OPCML: variants seen among roughly 807,000 people sequenced by gnomAD.
The protein encoded by OPCML is opioid-binding protein/cell adhesion molecule.
Under a neutral mutation model 37.8 loss-of-function variants are expected in OPCML, and 13 were observed. The ratio of observed to expected loss-of-function variants is 0.34; its 90% CI spans 0.22 to 0.55. OPCML has a LOEUF of 0.55. Among genes scored for constraint, OPCML ranks in the 20% least tolerant of loss-of-function variants. The pLI is 0.91. For synonymous variants in OPCML, 176 were observed against 168.8 expected, an observed-to-expected ratio of 1.04 and a Z score of -0.33; for missense variants, 341 against 435.6, an observed-to-expected ratio of 0.78 and a Z score of 1.93.
At chr11:133,501,495 G>T (rs1947914426) in intron 1 of OPCML, among the ~76,000 whole-genome samples, 1 of 152,146 alleles carries the variant, frequency 6.6e-6, no homozygotes, top group African/African-American at 2.4e-5. Context: ...TTTTAAATCA[G>T]ATAACTGACT....
At chr11:132,913,386 A>G (rs2063070) in intron 2 of OPCML, among the ~76,000 whole-genome samples, 84,862 of 152,070 alleles carry the variant, frequency 0.56, 25,370 homozygotes, top group African/African-American at 0.77. Context: ...ATTATGATCC[A>G]TTAGTAAACA....
intron 1 of OPCML, among the ~76,000 whole-genome samples, chr11:133,398,069 T>C (rs956432600): frequency 6.6e-6 from 1 of 152,190 alleles, no homozygotes; most frequent in Non-Finnish European, 1.5e-5. Context: ...GAAACCTGTC[T>C]GCAAGGAGAC....
At chr11:133,070,959 C>A (rs1412546166) in intron 1 of OPCML, among the ~76,000 whole-genome samples, 2 of 152,298 alleles carry the variant, frequency 1.3e-5, no homozygotes, top group Non-Finnish European at 2.9e-5. Flanking sequence ...CTCCAGCAAG[C>A]CAGGCAAGGC....
intron 1 of OPCML, among the ~76,000 whole-genome samples, chr11:133,408,474 C>G (rs1050038233): frequency 2.0e-5 from 3 of 152,218 alleles, no homozygotes; most frequent in African/African-American, 7.2e-5. Context: ...TTACTTTAGA[C>G]TTTACAACAT....
At chr11:133,135,116 A>G (rs185458441) in intron 1 of OPCML, among the ~76,000 whole-genome samples, 41 of 152,278 alleles carry the variant, frequency 2.7e-4, no homozygotes, top group African/African-American at 9.6e-4. Context: ...TGGTTAGCAT[A>G]TCTTGCTTTG....
In OPCML at chr11:133,056,036, G is replaced by A. The variant is rs146740009; in HGVS notation, c.62-113026C>T. Among the ~76,000 whole-genome samples, 430 of 152,264 alleles carry A rather than the reference G, an allele frequency of 2.8e-3. 2 individuals are homozygous for A. The highest frequency in any genetic ancestry group is 9.8e-3 in the African/African-American group (407 of 41,554). ...ACTCCATGAGGGAGCCGCCTCTACC[G>A]TATAATGCTGCCTCCATGGTAAAAG... is the stretch of plus-strand genomic sequence containing the variant. On this transcript the variant is annotated intron_variant, in intron 1 of 7. Transcript: ENST00000524381.
intron 1 of OPCML, among the ~76,000 whole-genome samples, chr11:133,307,712 G>C (rs1449442370): frequency 6.6e-6 from 1 of 152,226 alleles, no homozygotes; most frequent in East Asian, 1.9e-4. Context: ...TTGAACTCAG[G>C]TGCGTTTTGA....
intron 3 of OPCML, among the ~76,000 whole-genome samples, chr11:132,599,499 C>T (rs1937703382): frequency 6.6e-6 from 1 of 151,934 alleles, no homozygotes; most frequent in South Asian, 2.1e-4. Context: ...AGAGACAAAA[C>T]CTAAGCCAAG....
chr11:133,204,848 T>C (rs1938960364), intron 1 of OPCML, among the ~76,000 whole-genome samples: 1 of 131,100 alleles, frequency 7.6e-6, no homozygotes, highest in Admixed American at 8.2e-5. Flanking sequence ...TATTGTGATC[T>C]ATTATATATA....
At chr11:133,046,118 G>A (rs1237275920) in intron 1 of OPCML, among the ~76,000 whole-genome samples, 1 of 152,206 alleles carries the variant, frequency 6.6e-6, no homozygotes, top group Non-Finnish European at 1.5e-5. Flanking sequence ...CTGGGGAAGT[G>A]TGTGAGAACC....
intron 1 of OPCML, among the ~76,000 whole-genome samples, chr11:133,203,882 C>T (rs1938912433): frequency 5.3e-5 from 8 of 151,690 alleles, no homozygotes; most frequent in Admixed American, 5.3e-4. Flanking sequence ...CACGGTGAAA[C>T]CCCATCTCTA....
intron 4 of OPCML, among the ~76,000 whole-genome samples, chr11:132,478,896 G>C (rs767331932): frequency 1.3e-5 from 2 of 152,158 alleles, no homozygotes; most frequent in African/African-American, 4.8e-5. Flanking sequence ...ATAAAAGTCA[G>C]TGATTATCCT....
intron 7 of OPCML, among the ~76,000 whole-genome samples, chr11:132,430,235 A>G (rs1011333336): frequency 1.3e-5 from 2 of 151,960 alleles, no homozygotes; most frequent in African/African-American, 4.8e-5. Context: ...CCACCTGGGG[A>G]TAGGTGTAGT....
intron 1 of OPCML, among the ~76,000 whole-genome samples, chr11:133,417,291 A>G (rs576759696): frequency 6.6e-6 from 1 of 152,310 alleles, no homozygotes; most frequent in East Asian, 1.9e-4. Flanking sequence ...GTGTGAACAC[A>G]CTGGGCACCT....
intron 1 of OPCML, among the ~76,000 whole-genome samples, chr11:133,443,206 A>G (rs1946399899): frequency 6.6e-6 from 1 of 152,090 alleles, no homozygotes; most frequent in Non-Finnish European, 1.5e-5. Flanking sequence ...GTGATCAACC[A>G]CTCTAAAGAT....
At chr11:132,789,282 T>C (rs1937737134) in intron 2 of OPCML, among the ~76,000 whole-genome samples, 1 of 152,208 alleles carries the variant, frequency 6.6e-6, no homozygotes, top group African/African-American at 2.4e-5. Context: ...ACATGTGCCT[T>C]GTTCACCACT....
chr11:133,480,329 C>T (rs1947347407), intron 1 of OPCML, among the ~76,000 whole-genome samples: 1 of 152,196 alleles, frequency 6.6e-6, no homozygotes, highest in Non-Finnish European at 1.5e-5. Context: ...GGGTTGCCTG[C>T]CTTGTCCTTG....
rs552510469 is a variant in OPCML, at chr11:132,759,976, C to T, written c.147-102657G>A. Among the ~76,000 whole-genome samples, 8 of 152,202 alleles carry T rather than the reference C, an allele frequency of 5.3e-5. No homozygotes were observed. The East Asian group carries it at 1.5e-3, about 29-fold the overall frequency. ...CTCTAAACACTGCTTTAGCTGTGTC[C>T]CAGAGATTCTGGTATCTTGTGTCTT... On this transcript the variant is annotated intron_variant, in intron 2 of 7. Coordinates refer to ENST00000524381, the MANE Select transcript of OPCML (RefSeq NM_001012393.5).
At chr11:132,727,594 ATCCAGGCG>A (rs1009794470) in intron 2 of OPCML, among the ~76,000 whole-genome samples, 1 of 152,186 alleles carries the variant, frequency 6.6e-6, no homozygotes, top group African/African-American at 2.4e-5. Context: ...GGCTGGAATC[ATCCAGGCG>A]TCTTTAAAAA....
Sources: allele counts gnomAD v4.1 joint callset (sites outside exome capture counted in the v4.1 genomes callset), GRCh38; gene constraint gnomAD v4.1.1; transcripts MANE v1.5; gene names NCBI Gene and HGNC (gene_info 2026-07-23, HGNC 2026-07-21).